Variants in TMEM117 observed in about 807,000 individuals in gnomAD.
TMEM117 encodes the protein transmembrane protein 117.
In TMEM117, 27 loss-of-function variants were observed where a neutral mutation model predicts 52.4. The observed-to-expected ratio is 0.51, with a 90% CI of 0.38 to 0.71. The LOEUF is 0.71. Among genes scored for constraint, TMEM117 ranks in the 30% least tolerant of loss-of-function variants. TMEM117 has a pLI of 0.00. For synonymous variants in TMEM117, 215 were observed against 206.3 expected, an observed-to-expected ratio of 1.04 and a Z score of -0.36; for missense variants, 556 against 630.5, an observed-to-expected ratio of 0.88 and a Z score of 1.26.
intron 3 of TMEM117, among the ~76,000 whole-genome samples, chr12:43,985,828 A>G (rs1325246465): frequency 2.0e-5 from 3 of 152,204 alleles, no homozygotes; most frequent in East Asian, 3.8e-4. Context: ...CACTGCTAAC[A>G]TAATATGTCA....
chr12:44,394,496 T>C (rs1318961962), downstream of TMEM117, among the ~76,000 whole-genome samples: 2 of 152,230 alleles, frequency 1.3e-5, no homozygotes, highest in African/African-American at 4.8e-5. Context: ...TGTAATCCCT[T>C]TTCACTTGTA....
chr12:43,981,794 GA>G (rs1230539468), intron 3 of TMEM117, among the ~76,000 whole-genome samples: 3 of 151,682 alleles, frequency 2.0e-5, no homozygotes, highest in South Asian at 2.1e-4. Context: ...GAATTGCAAA[GA>G]AAAAAAATGT....
At chr12:44,114,801 T>C (rs1948108386) in intron 3 of TMEM117, among the ~76,000 whole-genome samples, 1 of 152,190 alleles carries the variant, frequency 6.6e-6, no homozygotes, top group Non-Finnish European at 1.5e-5. Flanking sequence ...TGCGTTTAGC[T>C]AATAGAACAA....
chr12:44,333,610 G>C (rs991997640), intron 6 of TMEM117, among the ~76,000 whole-genome samples: 1 of 151,884 alleles, frequency 6.6e-6, no homozygotes, highest in Non-Finnish European at 1.5e-5. Flanking sequence ...TGTGAAGAAG[G>C]ACATGCTTGC....
intron 3 of TMEM117, chr12:44,083,810 A>G: frequency 6.6e-6 from 1 of 151,660 alleles, no homozygotes; most frequent in East Asian, 1.9e-4. Context: ...TAATATTTTT[A>G]TTACTATTAC....
intron 1 of TMEM117, among the ~76,000 whole-genome samples, chr12:43,843,320 T>G (rs1943146432): frequency 6.6e-6 from 1 of 152,226 alleles, no homozygotes; most frequent in South Asian, 2.1e-4. Flanking sequence ...CATAGTTTAG[T>G]CTGAGAGCCA....
intron 3 of TMEM117, among the ~76,000 whole-genome samples, chr12:44,121,030 G>A (rs1200394066): frequency 6.6e-6 from 1 of 152,234 alleles, no homozygotes; most frequent in Non-Finnish European, 1.5e-5. Flanking sequence ...CATGGTGGAA[G>A]GTGAGAGGCA....
the TMEM117 span, among the ~76,000 whole-genome samples, chr12:43,810,195 G>A: frequency 6.6e-6 from 1 of 152,170 alleles, no homozygotes; most frequent in Non-Finnish European, 1.5e-5. Context: ...TTCACCCTGG[G>A]TTGGAAAAGT....
chr12:43,818,611 T>A, the TMEM117 span, among the ~76,000 whole-genome samples: 5 of 152,286 alleles, frequency 3.3e-5, no homozygotes, highest in Admixed American at 2.0e-4. Context: ...CAGCTAATTT[T>A]TGTATTTTTA....
At chr12:43,957,852 T>A (rs1203193852) in intron 3 of TMEM117, among the ~76,000 whole-genome samples, 2 of 152,272 alleles carry the variant, frequency 1.3e-5, no homozygotes, top group Middle Eastern at 6.8e-3. Context: ...TGATAATGTA[T>A]AATGTACAAG....
intron 2 of TMEM117, among the ~76,000 whole-genome samples, chr12:43,854,323 A>C (rs1201477972): frequency 6.6e-6 from 1 of 152,100 alleles, no homozygotes; most frequent in Non-Finnish European, 1.5e-5. Flanking sequence ...AAAGGCAAGC[A>C]GATTGGGGTA....
At chr12:44,194,766 G>T (rs538122796) in intron 4 of TMEM117, among the ~76,000 whole-genome samples, 1 of 152,284 alleles carries the variant, frequency 6.6e-6, no homozygotes, top group African/African-American at 2.4e-5. Flanking sequence ...AGGAGGCCGA[G>T]GTTGCAGTGA....
At chr12:43,804,533 T>C in the TMEM117 span, 5 of 1,603,622 alleles carry the variant, frequency 3.1e-6, no homozygotes, top group Admixed American at 5.1e-5. Context: ...GTACTTTCCA[T>C]TTCTGGCTCT....
intron 4 of TMEM117, among the ~76,000 whole-genome samples, chr12:44,171,306 C>T (rs535020514): frequency 7.4e-4 from 113 of 152,316 alleles, no homozygotes; most frequent in African/African-American, 1.8e-3. Flanking sequence ...TGAGCCACCG[C>T]GCCCGGCCTT....
At chr12:43,879,487 A>T (rs1007927546) in intron 2 of TMEM117, among the ~76,000 whole-genome samples, 1 of 152,196 alleles carries the variant, frequency 6.6e-6, no homozygotes, top group African/African-American at 2.4e-5. Context: ...AGTAGTATGC[A>T]AATATATTTT....
the TMEM117 span, among the ~76,000 whole-genome samples, chr12:43,815,923 T>C: frequency 6.6e-6 from 1 of 152,224 alleles, no homozygotes; most frequent in Admixed American, 6.5e-5. Context: ...CTCAAATGTG[T>C]TGTACTTTTC....
At chr12:43,905,822 G>T (rs1384495189) in intron 2 of TMEM117, among the ~76,000 whole-genome samples, 3 of 152,162 alleles carry the variant, frequency 2.0e-5, no homozygotes, top group Non-Finnish European at 4.4e-5. Context: ...TCCGTGTTGT[G>T]ATCCTGTGCT....
At chr12:44,361,312 G>A (rs1233273859) in intron 6 of TMEM117, among the ~76,000 whole-genome samples, 1 of 152,174 alleles carries the variant, frequency 6.6e-6, no homozygotes, top group East Asian at 1.9e-4. Flanking sequence ...GAAAATGGAA[G>A]ATAGAGAATG....
intron 3 of TMEM117, among the ~76,000 whole-genome samples, chr12:44,116,384 C>G (rs1948143471): frequency 6.6e-6 from 1 of 152,110 alleles, no homozygotes. Flanking sequence ...ATTTCACCTA[C>G]TATTAAAACT....
Sources: allele counts gnomAD v4.1 joint callset (sites outside exome capture counted in the v4.1 genomes callset), GRCh38; gene constraint gnomAD v4.1.1; transcripts MANE v1.5; gene names NCBI Gene and HGNC (gene_info 2026-07-23, HGNC 2026-07-21).